The following KLF12 variants were observed in gnomAD, a reference collection of about 807,000 sequenced individuals.
KLF12 encodes the protein Krueppel-like factor 12.
KLF12 carries 9 observed loss-of-function variants against 37.8 expected under a neutral mutation model. The ratio of observed to expected loss-of-function variants is 0.24; its 90% CI spans 0.14 to 0.42. The LOEUF (loss-of-function observed/expected upper bound fraction) is 0.42, where lower values mean the gene tolerates loss of function less well. KLF12 is among the 10% of genes least tolerant of loss of function. The probability of loss-of-function intolerance (pLI) is 1.00; values close to 1 mark genes in which losing one functional copy is unlikely to be tolerated. For missense variants in KLF12, 411 were observed against 516.0 expected, an observed-to-expected ratio of 0.80 and a Z score of 1.97; for synonymous variants, 208 against 202.1, an observed-to-expected ratio of 1.03 and a Z score of -0.25.
Position 73,916,240 on chromosome 13 carries a change from C to T in KLF12, c.123+27741G>A, listed in dbSNP as rs866687896. On this transcript the variant is annotated intron_variant, in intron 3 of 7. Transcript: ENST00000377669. ...ACACACACACACACACACACACACA[C>T]GCACACGCACACACACACACACACA... is the stretch of plus-strand genomic sequence containing the variant. Among the ~76,000 whole-genome samples the T allele has an allele frequency of 2.8e-4, 19 of 67,984 alleles. No individual in the cohort carries two copies. In the Middle Eastern group the frequency reaches 0.039, roughly 140 times the overall value. 44.6% of individuals were successfully genotyped at this position (67,984 alleles called of 152,430 possible). A position where few individuals can be genotyped will look rare whatever the true frequency, so the allele number is the denominator to read the frequency against.
At chr13:73,803,945 G>C (rs1882426350) in intron 5 of KLF12, among the ~76,000 whole-genome samples, 1 of 152,124 alleles carries the variant, frequency 6.6e-6, no homozygotes, top group Non-Finnish European at 1.5e-5. Context: ...ACCATACCCA[G>C]TTTCCTTAAG....
At chr13:74,017,328 T>C (rs1483029563) in intron 1 of KLF12, among the ~76,000 whole-genome samples, 2 of 148,486 alleles carry the variant, frequency 1.3e-5, no homozygotes, top group African/African-American at 5.0e-5. Flanking sequence ...TTATAAGTTA[T>C]GTGAATTATC....
chr13:74,120,467 G>A (rs143484895), intron 1 of KLF12, among the ~76,000 whole-genome samples: 10 of 151,918 alleles, frequency 6.6e-5, no homozygotes, highest in Admixed American at 2.0e-4. Context: ...GTGGCAGAGC[G>A]AGACTGTCTC....
chr13:74,101,415 G>A (rs1876336031), intron 1 of KLF12, among the ~76,000 whole-genome samples: 1 of 152,144 alleles, frequency 6.6e-6, no homozygotes, highest in African/African-American at 2.4e-5. Context: ...TCTTCAGAGG[G>A]AAAGTTTAAA....
chr13:74,187,421 G>T, the KLF12 span, among the ~76,000 whole-genome samples: 3 of 152,070 alleles, frequency 2.0e-5, no homozygotes, highest in Non-Finnish European at 4.4e-5. Flanking sequence ...AAGTGTCCTC[G>T]TTTGTAACCG....
At chr13:73,976,902 A>G (rs1466565933) in intron 2 of KLF12, among the ~76,000 whole-genome samples, 1 of 152,162 alleles carries the variant, frequency 6.6e-6, no homozygotes, top group African/African-American at 2.4e-5. Flanking sequence ...TGACAGAACC[A>G]TCATTAGAAT....
intron 1 of KLF12, among the ~76,000 whole-genome samples, chr13:74,129,759 C>T (rs1943231417): frequency 6.6e-6 from 1 of 151,576 alleles, no homozygotes; most frequent in South Asian, 2.1e-4. Flanking sequence ...CTGTAATCTA[C>T]TGCCGACCAA....
chr13:74,107,124 G>T (rs900407289), intron 1 of KLF12, among the ~76,000 whole-genome samples: 1 of 152,170 alleles, frequency 6.6e-6, no homozygotes, highest in Non-Finnish European at 1.5e-5. Context: ...GGGCTAGGGT[G>T]CTCCCTTGAA....
intron 3 of KLF12, among the ~76,000 whole-genome samples, chr13:73,901,145 A>G (rs1888023184): frequency 6.6e-6 from 1 of 152,208 alleles, no homozygotes; most frequent in Non-Finnish European, 1.5e-5. Context: ...CAAAAACTTC[A>G]TCCACATTCA....
chr13:74,010,227 A>G (rs1176046250), intron 1 of KLF12, among the ~76,000 whole-genome samples: 17 of 152,126 alleles, frequency 1.1e-4, no homozygotes, highest in African/African-American at 3.6e-4. Context: ...ACAGGCAAGC[A>G]CCACCACGCC....
intron 6 of KLF12, among the ~76,000 whole-genome samples, chr13:73,726,089 G>A (rs916193740): frequency 1.9e-4 from 29 of 151,938 alleles, no homozygotes; most frequent in Non-Finnish European, 4.0e-4. Flanking sequence ...CCAACCTCAG[G>A]TGATCCGCCC....
rs1873839686 is a variant in KLF12, at chr13:73,691,823, A to C, written c.*3667T>G. The C allele has an allele frequency of 6.6e-6, 1 of 152,646 alleles. No homozygotes were observed. Among genetic ancestry groups the C allele is most frequent in the Non-Finnish European group, 1.5e-5 (1 of 68,022 alleles). The allele number at this position is 152,646 out of a possible 1,614,324, so 9.5% of individuals were successfully genotyped here. ...GTGCAGAATTATGTTTAAAACACAGATGGCAATTTAAAGTTAAAAAGAATT... is the reference window on the plus strand; with the variant it reads ...GTGCAGAATTATGTTTAAAACACAGCTGGCAATTTAAAGTTAAAAAGAATT... On this transcript the variant is annotated 3_prime_UTR_variant, in exon 8 of 8. Coordinates refer to ENST00000377669, the MANE Select transcript of KLF12 (RefSeq NM_007249.5).
At chr13:74,057,780 A>G (rs1342741221) in intron 1 of KLF12, among the ~76,000 whole-genome samples, 1 of 152,134 alleles carries the variant, frequency 6.6e-6, no homozygotes. Context: ...TGTTATACAT[A>G]AGGGAAATGA....
chr13:74,107,873 T>A (rs1296110183), intron 1 of KLF12, among the ~76,000 whole-genome samples: 1 of 152,208 alleles, frequency 6.6e-6, no homozygotes, highest in East Asian at 1.9e-4. Flanking sequence ...AGACAATTGA[T>A]CTTTACAAAG....
chr13:74,181,163 TA>T, the KLF12 span, among the ~76,000 whole-genome samples: 3 of 151,630 alleles, frequency 2.0e-5, no homozygotes, highest in Non-Finnish European at 4.4e-5. Context: ...CATGCCTGGC[TA>T]ATTTTTTGTA....
chr13:74,027,060 G>C (rs143057058), intron 1 of KLF12, among the ~76,000 whole-genome samples: 2 of 152,318 alleles, frequency 1.3e-5, no homozygotes, highest in Non-Finnish European at 2.9e-5. Context: ...AAGTTAGACA[G>C]TGTTTCTCTT....
intron 4 of KLF12, among the ~76,000 whole-genome samples, chr13:73,828,489 G>T (rs1234896278): frequency 6.6e-6 from 1 of 151,870 alleles, no homozygotes; most frequent in African/African-American, 2.4e-5. Context: ...CAAGAACCTG[G>T]GCATTATCCT....
intron 6 of KLF12, among the ~76,000 whole-genome samples, chr13:73,722,568 G>A (rs994996289): frequency 7.9e-5 from 12 of 152,204 alleles, no homozygotes; most frequent in African/African-American, 1.2e-4. Context: ...ACTCCTGTCT[G>A]TAGCATTTCA....
the KLF12 span, among the ~76,000 whole-genome samples, chr13:74,216,720 G>A: frequency 6.6e-6 from 1 of 152,114 alleles, no homozygotes; most frequent in Admixed American, 6.5e-5. Context: ...AGGGCCAAGA[G>A]GCTTAAATCA....
Sources: allele counts gnomAD v4.1 joint callset (sites outside exome capture counted in the v4.1 genomes callset), GRCh38; gene constraint gnomAD v4.1.1; transcripts MANE v1.5; gene names NCBI Gene and HGNC (gene_info 2026-07-23, HGNC 2026-07-21).